Variants in RALYL observed in about 807,000 individuals in gnomAD.
RALYL encodes the protein RNA-binding Raly-like protein.
Under a neutral mutation model 35.1 loss-of-function variants are expected in RALYL, and 29 were observed. The ratio of observed to expected loss-of-function variants is 0.83; its 90% CI spans 0.61 to 1.13. The LOEUF (loss-of-function observed/expected upper bound fraction) is 1.13. Ranked by LOEUF, RALYL falls within the 50% of genes most tolerant of loss-of-function variation. RALYL has a pLI of 0.00. For synonymous variants in RALYL, 120 were observed against 127.6 expected (o/e 0.94, Z 0.40); for missense variants, 359 against 360.4 (o/e 1.00, Z 0.03).
chr8:84,917,678 G>T (rs1207726433), intron 8 of RALYL, among the ~76,000 whole-genome samples: 1 of 151,494 alleles, frequency 6.6e-6, no homozygotes, highest in African/African-American at 2.4e-5. Context: ...AGATTATTCA[G>T]CCTCCAAGAA....
At chr8:84,324,371 G>A (rs561310154) in intron 1 of RALYL, among the ~76,000 whole-genome samples, 1 of 151,930 alleles carries the variant, frequency 6.6e-6, no homozygotes, top group Admixed American at 6.6e-5. Context: ...AACTTTGAGT[G>A]GTTGTATAGC....
At chr8:84,566,610 C>G (rs1241836128) in intron 2 of RALYL, among the ~76,000 whole-genome samples, 1 of 151,518 alleles carries the variant, frequency 6.6e-6, no homozygotes, top group African/African-American at 2.4e-5. Context: ...TAAACAAGAA[C>G]TCATAACCGT....
chr8:84,696,948 C>A (rs933888854), intron 2 of RALYL, among the ~76,000 whole-genome samples: 1 of 151,924 alleles, frequency 6.6e-6, no homozygotes, highest in African/African-American at 2.4e-5. Flanking sequence ...TTCTGAAATG[C>A]CCTTGGGCTA....
At chr8:84,356,756 G>A (rs1039071770) in intron 1 of RALYL, among the ~76,000 whole-genome samples, 25 of 150,236 alleles carry the variant, frequency 1.7e-4, no homozygotes, top group Admixed American at 1.7e-3. Flanking sequence ...ATTTACAGAT[G>A]TAATTTACCT....
At chr8:84,189,250 A>T (rs763948096) in intron 1 of RALYL, among the ~76,000 whole-genome samples, 3 of 152,160 alleles carry the variant, frequency 2.0e-5, no homozygotes, top group African/African-American at 7.2e-5. Flanking sequence ...AATACTAGAG[A>T]TTTTCTGTGC....
In RALYL at chr8:84,575,009, T is replaced by C. The variant is rs529302468; in HGVS notation, c.256+45432T>C. 1.6e-3 allele frequency among the ~76,000 whole-genome samples: 249 copies of C among 152,302 alleles called. 1 individual carries two copies. The highest frequency in any genetic ancestry group is 2.7e-3 in the Non-Finnish European group (181 of 67,990). ...GTGTCAGAATAATCTAAGATTTTAC[T>C]TTCATTTCTTCCCCCTTGATGATGC... On this transcript the variant is annotated intron_variant, in intron 2 of 8. Coordinates refer to ENST00000521268, the MANE Select transcript of RALYL (RefSeq NM_173848.7).
At chr8:84,430,252 A>G (rs975420731) in intron 1 of RALYL, among the ~76,000 whole-genome samples, 2 of 152,106 alleles carry the variant, frequency 1.3e-5, no homozygotes, top group African/African-American at 4.8e-5. Context: ...CATAACTAGA[A>G]TTTCAATCCA....
At chr8:84,747,530 C>T (rs1276603549) in intron 2 of RALYL, among the ~76,000 whole-genome samples, 1 of 151,782 alleles carries the variant, frequency 6.6e-6, no homozygotes, top group African/African-American at 2.4e-5. Context: ...AACTTTAGTA[C>T]ATCTGATTAT....
intron 1 of RALYL, among the ~76,000 whole-genome samples, chr8:84,322,155 G>A (rs1844977229): frequency 6.6e-6 from 1 of 151,996 alleles, no homozygotes; most frequent in Non-Finnish European, 1.5e-5. Context: ...GACCCAAATA[G>A]CAGTATAAAT....
chr8:84,678,520 G>A (rs967332296), intron 2 of RALYL, among the ~76,000 whole-genome samples: 7 of 152,138 alleles, frequency 4.6e-5, no homozygotes, highest in African/African-American at 1.4e-4. Context: ...ACCCACCTCG[G>A]CCTCCCAAAG....
chr8:84,749,263 T>C (rs961881042), intron 2 of RALYL, among the ~76,000 whole-genome samples: 1 of 152,174 alleles, frequency 6.6e-6, no homozygotes, highest in East Asian at 1.9e-4. Flanking sequence ...TTTTCACTTT[T>C]TATCCACATT....
chr8:84,706,082 T>A (rs1841155541), intron 2 of RALYL: 1 of 1,533,676 alleles, frequency 6.5e-7, no homozygotes, highest in East Asian at 2.4e-5. Context: ...CTGACCCAAC[T>A]TTTTCATATC....
Position 84,311,531 on chromosome 8 carries a change from G to A in RALYL, c.-24+127107G>A, listed in dbSNP as rs117339949. Among the ~76,000 whole-genome samples the A allele has an allele frequency of 2.7e-3, 417 of 152,178 alleles. 2 individuals are homozygous for A. The highest frequency in any genetic ancestry group is 3.4e-3 in the Non-Finnish European group (234 of 67,992). ...AAAAAATACTATAAATAAACTTGAA[G>A]TAATGTGCAAAAGCTATATAAAGCT... On this transcript the variant is annotated intron_variant, in intron 1 of 8. Transcript: ENST00000521268.
intron 2 of RALYL, among the ~76,000 whole-genome samples, chr8:84,621,342 G>T (rs965585244): frequency 2.0e-5 from 3 of 152,186 alleles, no homozygotes; most frequent in African/African-American, 7.2e-5. Flanking sequence ...GTATTCGGGT[G>T]GGAGCCACCC....
chr8:84,464,458 A>G (rs1328197780), intron 1 of RALYL, among the ~76,000 whole-genome samples: 1 of 151,282 alleles, frequency 6.6e-6, no homozygotes, highest in Non-Finnish European at 1.5e-5. Context: ...ATGTCCCTAC[A>G]AAGGACATGA....
chr8:84,403,152 T>A (rs1415434007), intron 1 of RALYL, among the ~76,000 whole-genome samples: 1 of 152,114 alleles, frequency 6.6e-6, no homozygotes, highest in East Asian at 1.9e-4. Context: ...GTGCAGAAGC[T>A]CTTTAGTTTA....
chr8:84,414,150 C>T (rs2132230738), intron 1 of RALYL, among the ~76,000 whole-genome samples: 1 of 151,972 alleles, frequency 6.6e-6, no homozygotes, highest in Non-Finnish European at 1.5e-5. Flanking sequence ...TTTTTAATCC[C>T]ATGTTGATGA....
In RALYL at chr8:84,355,367, G is replaced by C. The variant is rs1851630217; in HGVS notation, c.-24+170943G>C. Among the ~76,000 whole-genome samples the C allele has an allele frequency of 2.7e-5, 4 of 150,408 alleles. 2 individuals are homozygous for C. Among genetic ancestry groups the C allele is most frequent in the African/African-American group, 9.9e-5 (4 of 40,472 alleles). On this transcript the variant is annotated intron_variant, in intron 1 of 8. Coordinates refer to ENST00000521268, the MANE Select transcript of RALYL (RefSeq NM_173848.7). ...CAGAAGGAAGAACAGTGTTCAGTAA[G>C]AGTGGATAACTTGTGGCTTTCCAAA...
At chr8:84,495,015 TATG>T (rs2055843082) in intron 1 of RALYL, among the ~76,000 whole-genome samples, 1 of 152,150 alleles carries the variant, frequency 6.6e-6, no homozygotes, top group African/African-American at 2.4e-5. Context: ...GCCCATTCAG[TATG>T]ATATTGGCTT....
Sources: gnomAD v4.1 joint callset for allele counts (sites outside exome capture counted in the v4.1 genomes callset) on GRCh38, gnomAD v4.1.1 for gene constraint, MANE v1.5 for transcripts, NCBI Gene and HGNC (gene_info 2026-07-23, HGNC 2026-07-21) for gene names.